The following ZSCAN5A variants were observed in gnomAD, a reference collection of about 807,000 sequenced individuals.
ZSCAN5A encodes the protein zinc finger and SCAN domain containing 5A.
Under a neutral mutation model 23.7 loss-of-function variants are expected in ZSCAN5A, and 12 were observed. The observed-to-expected ratio is 0.51, with a 90% CI of 0.32 to 0.82. The LOEUF (loss-of-function observed/expected upper bound fraction) is 0.82, where lower values mean the gene tolerates loss of function less well. ZSCAN5A is among the 40% of genes least tolerant of loss of function. The pLI is 0.03. For synonymous variants in ZSCAN5A, 257 were observed against 239.9 expected, an observed-to-expected ratio of 1.07 and a Z score of -0.66; for missense variants, 597 against 617.9, an observed-to-expected ratio of 0.97 and a Z score of 0.36.
intron 2 of ZSCAN5A, among the ~76,000 whole-genome samples, chr19:56,275,604 C>A (rs1424753285): frequency 6.6e-6 from 1 of 152,172 alleles, no homozygotes; most frequent in Admixed American, 6.5e-5. Flanking sequence ...ATTGCATTAA[C>A]AGATTATTTT....
intron 2 of ZSCAN5A, chr19:56,228,106 CAG>C: frequency 5.3e-6 from 2 of 379,886 alleles, no homozygotes; most frequent in Non-Finnish European, 7.2e-6. Context: ...CATAACGAGT[CAG>C]AGTTAATCAT....
intron 2 of ZSCAN5A, among the ~76,000 whole-genome samples, chr19:56,289,414 G>A (rs1230371097): frequency 6.6e-6 from 1 of 152,184 alleles, no homozygotes; most frequent in Non-Finnish European, 1.5e-5. Flanking sequence ...TTTCAAGGAA[G>A]AAAGATGGTG....
intron 2 of ZSCAN5A, among the ~76,000 whole-genome samples, chr19:56,326,736 C>T (rs771474958): frequency 1.3e-5 from 2 of 152,126 alleles, no homozygotes; most frequent in Non-Finnish European, 2.9e-5. Context: ...GTACAAATCC[C>T]ACTAGATCTC....
At chr19:56,343,346 T>C (rs2041609216) in intron 2 of ZSCAN5A, 1 of 583,582 alleles carries the variant, frequency 1.7e-6, no homozygotes, top group Admixed American at 2.1e-5. Context: ...CAAAAATGAA[T>C]GCAAGGTAGC....
In ZSCAN5A at chr19:56,276,506, CT is replaced by C. The variant is rs3059506; in HGVS notation, c.-128+36776del. Among the ~76,000 whole-genome samples the C allele has an allele frequency of 9.0e-3, 1,252 of 139,634 alleles. 16 individuals carry two copies. Among genetic ancestry groups the C allele is most frequent in the African/African-American group, 0.029 (1,112 of 38,300 alleles). 91.6% of individuals were successfully genotyped at this position (139,634 alleles called of 152,430 possible). On this transcript the variant is annotated intron_variant, in intron 2 of 5. Coordinates refer to ENST00000683990, the MANE Select transcript of ZSCAN5A (RefSeq NM_001322064.3). ...AAAATTATTAAGGATCTAAAGAGCT[CT>C]TTTTTTTTTTTTCCAGTGAGGGTTA...
chr19:56,326,940 C>T (rs2041439747), intron 2 of ZSCAN5A, among the ~76,000 whole-genome samples: 2 of 152,148 alleles, frequency 1.3e-5, no homozygotes, highest in South Asian at 4.1e-4. Context: ...ATTCACTCAT[C>T]CAGCAAACAT....
intron 2 of ZSCAN5A, among the ~76,000 whole-genome samples, chr19:56,336,931 C>G (rs1210538547): frequency 1.3e-5 from 2 of 152,164 alleles, no homozygotes; most frequent in Non-Finnish European, 2.9e-5. Flanking sequence ...GCTGCCTGAT[C>G]ATTCCTCTGG....
At chr19:56,243,074 T>C (rs2035556850) in intron 2 of ZSCAN5A, among the ~76,000 whole-genome samples, 1 of 152,202 alleles carries the variant, frequency 6.6e-6, no homozygotes, top group African/African-American at 2.4e-5. Context: ...CCACCACACC[T>C]GGCCTCAAAA....
intron 2 of ZSCAN5A, chr19:56,321,180 G>A: frequency 1.5e-6 from 1 of 658,396 alleles, no homozygotes; most frequent in South Asian, 1.5e-5. Context: ...GTAATTACGT[G>A]CTTCATTCAA....
chr19:56,241,438 CA>C (rs1406715054), intron 2 of ZSCAN5A, among the ~76,000 whole-genome samples: 4 of 151,490 alleles, frequency 2.6e-5, no homozygotes, highest in East Asian at 3.9e-4. Flanking sequence ...ATGCTTTTTT[CA>C]AAAAAAATTA....
chr19:56,315,728 T>G (rs1419666806), upstream of ZSCAN5A: 1 of 152,154 alleles, frequency 6.6e-6, no homozygotes, highest in Non-Finnish European at 1.5e-5. Context: ...GCTCCCTTAC[T>G]ATTTCAGGGC....
Position 56,313,270 on chromosome 19 carries a change from T to G in ZSCAN5A, c.-128+13A>C. ...ACTGGGCAATTTACAAAAGAAAGGT[T>G]TAATGGACTTACAGTTTCACGTGGC... On this transcript the variant is annotated intron_variant, in intron 2 of 5. Transcript: ENST00000683990. The G allele has an allele frequency of 2.9e-6, 1 of 349,630 alleles. No individual in the cohort carries two copies. Among genetic ancestry groups the G allele is most frequent in the South Asian group, 2.2e-5 (1 of 45,542 alleles). The allele number at this position is 349,630 out of a possible 1,614,324, so 21.7% of individuals were successfully genotyped here. A position where few individuals can be genotyped will look rare whatever the true frequency, so the allele number is the denominator to read the frequency against.
At chr19:56,239,490 C>T (rs2035241585) in intron 2 of ZSCAN5A, among the ~76,000 whole-genome samples, 1 of 152,232 alleles carries the variant, frequency 6.6e-6, no homozygotes, top group South Asian at 2.1e-4. Flanking sequence ...CCTGTAGGAC[C>T]CTCAGTGTAT....
intron 2 of ZSCAN5A, among the ~76,000 whole-genome samples, chr19:56,353,223 C>G (rs772767663): frequency 6.6e-6 from 1 of 152,144 alleles, no homozygotes; most frequent in Non-Finnish European, 1.5e-5. Context: ...GAAGCACATA[C>G]AGGGAAGCTG....
At chr19:56,346,551 C>G (rs1187918081) in intron 2 of ZSCAN5A, among the ~76,000 whole-genome samples, 1 of 151,584 alleles carries the variant, frequency 6.6e-6, no homozygotes, top group Non-Finnish European at 1.5e-5. Flanking sequence ...AAAAAAGAAC[C>G]CACAAAAACC....
intron 2 of ZSCAN5A, among the ~76,000 whole-genome samples, chr19:56,346,500 T>C (rs1303776783): frequency 1.3e-5 from 2 of 151,756 alleles, no homozygotes; most frequent in Non-Finnish European, 2.9e-5. Context: ...CTGGCCTTTT[T>C]TGTGTTAGAA....
intron 2 of ZSCAN5A, chr19:56,263,817 GT>G (rs2037283829): frequency 6.6e-6 from 1 of 151,938 alleles, no homozygotes; most frequent in African/African-American, 2.4e-5. Context: ...ATAATAACAT[GT>G]AATAACAATA....
intron 2 of ZSCAN5A, among the ~76,000 whole-genome samples, chr19:56,249,603 A>G (rs2036201126): frequency 6.6e-6 from 1 of 152,210 alleles, no homozygotes; most frequent in African/African-American, 2.4e-5. Flanking sequence ...ATCTTTCAAA[A>G]GTCTATAGAG....
intron 2 of ZSCAN5A, among the ~76,000 whole-genome samples, chr19:56,226,849 C>T (rs2033995804): frequency 2.6e-5 from 4 of 152,128 alleles, no homozygotes. Context: ...AGTCATACCT[C>T]ACACCTCAGC....
Sources: gnomAD v4.1 joint callset for allele counts (sites outside exome capture counted in the v4.1 genomes callset) on GRCh38, gnomAD v4.1.1 for gene constraint, MANE v1.5 for transcripts, NCBI Gene and HGNC (gene_info 2026-07-23, HGNC 2026-07-21) for gene names.